The following SERTAD3 variants were observed in gnomAD, a reference collection of about 807,000 sequenced individuals.
SERTAD3 encodes SERTA domain containing 3.
In SERTAD3, 6 loss-of-function variants were observed where a neutral mutation model predicts 11.9. That is an observed-to-expected ratio of 0.50 (90% CI 0.28 to 0.99). The LOEUF (loss-of-function observed/expected upper bound fraction) is 0.99. Ranked by LOEUF, SERTAD3 falls within the 50% of genes least tolerant of loss-of-function variation. The pLI is 0.11. For missense variants in SERTAD3, 261 were observed against 240.9 expected (o/e 1.08, Z -0.55); for synonymous variants, 101 against 98.9 (o/e 1.02, Z -0.13).
Position 40,441,873 on chromosome 19 carries a change from G to T in SERTAD3, c.208C>A (p.Arg70Ser). The T allele has an allele frequency of 6.3e-7, 1 of 1,578,082 alleles. No individual in the cohort carries two copies. Among genetic ancestry groups the T allele is most frequent in the Non-Finnish European group, 8.6e-7 (1 of 1,162,588 alleles). Residue 70 changes from arginine (R) to serine (S), a missense_variant, in exon 2 of 2, where the codon CGC becomes AGC. By Grantham distance (110) the Arg-to-Ser change is moderately radical. Transcript: ENST00000322354. ...NTLQQLQAAL[R>S]LAPAPALPPE... ...GGCAGGGCAGGGGCGGGAGCCAGGC[G>T]AAGTGCAGCCTGCAGCTGTTGGAGG... is the stretch of plus-strand genomic sequence containing the variant.
In SERTAD3 at chr19:40,442,023, C is replaced by G; in HGVS notation, c.58G>C (p.Glu20Gln). The stretch of plus-strand genomic sequence containing the variant: ...CTCTGAAGGCCTGCTGGACTCCACT[C>G]CCACCTCTCCTCCTCCTCTTCCAAA... ...SDLEEEEERW[E>Q]WSPAGLQSYQ... Residue 20 changes from glutamate to glutamine, a missense_variant, in exon 2 of 2, where the codon GAG becomes CAG. By Grantham distance (29) the Glu-to-Gln change is conservative. Transcript: ENST00000322354. The G allele has an allele frequency of 6.6e-7, 1 of 1,512,048 alleles. No individual in the cohort carries two copies. The highest frequency in any genetic ancestry group is 1.4e-5 in the South Asian group (1 of 73,968). 93.7% of individuals were successfully genotyped at this position (1,512,048 alleles called of 1,614,324 possible).
chr19:40,442,002 G>A lies in SERTAD3; in HGVS notation c.79C>T (p.Gln27Ter). 6.5e-7 allele frequency: 1 copy of A among 1,533,948 alleles called. No homozygotes were observed. ...ERWEWSPAGL[Q>*]SYQQALLRIS... ...CGGAGCAGGGCTTGCTGGTAGCTCT[G>A]AAGGCCTGCTGGACTCCACTCCCAC... The change falls in exon 2 of 2, where the codon CAG becomes TAG. Residue 27 changes from glutamine (Q) to a stop codon, truncating the protein, a stop_gained. Coordinates refer to ENST00000322354, the MANE Select transcript of SERTAD3 (RefSeq NM_203344.3). LOFTEE classifies it high-confidence loss of function.
chr19:40,443,334 C>G (rs28480551), intron 1 of SERTAD3: 9,582 of 152,310 alleles, frequency 0.063, 356 homozygotes, highest in East Asian at 0.1. Context: ...GAGCCACCCC[C>G]CTCACCCCGC....
intron 1 of SERTAD3, chr19:40,442,423 C>G (rs1001880290): frequency 9.6e-5 from 20 of 208,390 alleles, no homozygotes; most frequent in African/African-American, 3.9e-4. Context: ...AGCCTTAAAA[C>G]TGTTCTTCCA....
chr19:40,441,267 T>C lies in SERTAD3; in HGVS notation c.*223A>G. The C allele has an allele frequency of 2.1e-6, 1 of 471,178 alleles. No homozygotes were observed. Among genetic ancestry groups the C allele is most frequent in the Non-Finnish European group, 3.8e-6 (1 of 264,658 alleles). 29.2% of individuals were successfully genotyped at this position (471,178 alleles called of 1,614,324 possible). A position where few individuals can be genotyped will look rare whatever the true frequency, so the allele number is the denominator to read the frequency against. Reference sequence around the variant, plus strand: ...CCAGAAACAGAGTCTCGTTAAGGCATTTGGAATAGATAAATTAATTCAGGA... The same window carrying C: ...CCAGAAACAGAGTCTCGTTAAGGCACTTGGAATAGATAAATTAATTCAGGA... On this transcript the variant is annotated 3_prime_UTR_variant, in exon 2 of 2. Coordinates refer to ENST00000322354, the MANE Select transcript of SERTAD3 (RefSeq NM_203344.3).
At chr19:40,442,791 G>A (rs1249814563) in intron 1 of SERTAD3, among the ~76,000 whole-genome samples, 3 of 151,728 alleles carry the variant, frequency 2.0e-5, no homozygotes, top group Non-Finnish European at 4.4e-5. Context: ...CTGCAGTCTC[G>A]AAGTCCTGGG....
Position 40,441,194 on chromosome 19 carries a change from G to A in SERTAD3, c.*296C>T. 2 of 263,470 alleles carry A rather than the reference G, an allele frequency of 7.6e-6. No individual in the cohort carries two copies. The highest frequency in any genetic ancestry group is 1.5e-5 in the Non-Finnish European group (2 of 136,502). The allele number at this position is 263,470 out of a possible 1,614,324, so 16.3% of individuals were successfully genotyped here. A position where few individuals can be genotyped will look rare whatever the true frequency, so the allele number is the denominator to read the frequency against. ...GGCCCCAGTGGTCACAGGGGAGTGG[G>A]AACTAGCAGGAAAGGTGGAAGAAAT... On this transcript the variant is annotated 3_prime_UTR_variant, in exon 2 of 2. Coordinates refer to ENST00000322354, the MANE Select transcript of SERTAD3 (RefSeq NM_203344.3).
intron 1 of SERTAD3, 136 bp from the exon 2 acceptor site, chr19:40,442,222 T>TCTCA: frequency 2.1e-6 from 1 of 467,568 alleles, no homozygotes; most frequent in Non-Finnish European, 3.6e-6. Context: ...ATGTATAAAA[T>TCTCA]GAAGGCTGTC....
intron 1 of SERTAD3, chr19:40,442,296 G>C: frequency 2.6e-6 from 1 of 391,602 alleles, no homozygotes. Flanking sequence ...CTGGCGTTAC[G>C]TACAGCTAGA....
rs1423830725 is a variant in SERTAD3 at position 40,441,916 on chromosome 19, A to C, written c.165T>G (p.His55Gln). The C allele has an allele frequency of 1.9e-6, 3 of 1,575,392 alleles. No homozygotes were observed. The African/African-American group carries it at 4.1e-5, about 21-fold the overall frequency. ...GTTGGAGGGTGTTATGGATGAGGAC[A>C]TGCCTGCGGAGGCTGGGTGCTCGGG... ...LGPRAPSLRR[H>Q]VLIHNTLQQL... Residue 55 changes from histidine to glutamine, a missense_variant, in exon 2 of 2, where the codon CAT becomes CAG. His to Gln is a conservative substitution (Grantham distance 24). Transcript: ENST00000322354.
chr19:40,443,192 T>C (rs914436987), intron 1 of SERTAD3, among the ~76,000 whole-genome samples: 1 of 151,770 alleles, frequency 6.6e-6, no homozygotes, highest in African/African-American at 2.4e-5. Context: ...CCATGGGTCC[T>C]TACAGAGCAT....
In SERTAD3 at chr19:40,442,015, A is replaced by T. The variant is rs780692623; in HGVS notation, c.66T>A (p.Ser22Arg). 22 of 1,516,044 alleles carry T rather than the reference A, an allele frequency of 1.5e-5. No individual in the cohort carries two copies. Among genetic ancestry groups the T allele is most frequent in the Non-Finnish European group, 1.7e-5 (19 of 1,134,972 alleles). 93.9% of individuals were successfully genotyped at this position (1,516,044 alleles called of 1,614,324 possible). ...GCTGGTAGCTCTGAAGGCCTGCTGG[A>T]CTCCACTCCCACCTCTCCTCCTCCT... ...LEEEEERWEW[S>R]PAGLQSYQQA... is the part of the protein sequence containing the mutation. Residue 22 changes from serine (S) to arginine (R), a missense_variant, in exon 2 of 2, where the codon AGT becomes AGA. Physicochemically the swap from Ser to Arg is moderately radical, Grantham distance 110. Transcript: ENST00000322354.
At chr19:40,442,990 GTCCTCT>G (rs755433457) in intron 1 of SERTAD3, among the ~76,000 whole-genome samples, 14 of 151,960 alleles carry the variant, frequency 9.2e-5, no homozygotes, top group Non-Finnish European at 1.5e-4. Context: ...ATATTTCTAT[GTCCTCT>G]TCCTTAACCG....
Position 40,441,399 on chromosome 19 carries a change from G to T in SERTAD3, c.*91C>A. ...AAGGAGGCCATAGTCACTGCTTCGAGCCCCCACAAAAACACACACCCAGAG... is the reference window on the plus strand; with the variant it reads ...AAGGAGGCCATAGTCACTGCTTCGATCCCCCACAAAAACACACACCCAGAG... On this transcript the variant is annotated 3_prime_UTR_variant, in exon 2 of 2. Transcript: ENST00000322354. 8.7e-7 allele frequency: 1 copy of T among 1,144,346 alleles called. No individual in the cohort carries two copies. Among genetic ancestry groups the T allele is most frequent in the Non-Finnish European group, 1.3e-6 (1 of 794,360 alleles). The allele number at this position is 1,144,346 out of a possible 1,614,324, so 70.9% of individuals were successfully genotyped here.
At chr19:40,442,358 C>T (rs1221291656) in intron 1 of SERTAD3, 3 of 324,180 alleles carry the variant, frequency 9.3e-6, no homozygotes. Context: ...AATTTACATC[C>T]ATGAGAATCA....
intron 1 of SERTAD3, chr19:40,443,530 T>A (rs570111450): frequency 1.3e-5 from 2 of 153,264 alleles, no homozygotes; most frequent in African/African-American, 4.8e-5. Context: ...CCGGTCCCTC[T>A]GTTCCTTGAA....
In SERTAD3 at chr19:40,442,081, G is replaced by T; in HGVS notation, c.-1C>A. The T allele has an allele frequency of 1.3e-6, 2 of 1,486,166 alleles. No individual in the cohort carries two copies. Among genetic ancestry groups the T allele is most frequent in the Non-Finnish European group, 1.8e-6 (2 of 1,118,656 alleles). 92.1% of individuals were successfully genotyped at this position (1,486,166 alleles called of 1,614,324 possible). ...GTTTCCTCTTCAAGCCTCCCACCAT[G>T]ATGCCCTGTAGAGAGAAGAGGCGCA... On this transcript the variant is annotated 5_prime_UTR_variant, in exon 2 of 2. Coordinates refer to ENST00000322354, the MANE Select transcript of SERTAD3 (RefSeq NM_203344.3).
chr19:40,443,056 C>T (rs1345381605), intron 1 of SERTAD3, among the ~76,000 whole-genome samples: 1 of 151,848 alleles, frequency 6.6e-6, no homozygotes, highest in East Asian at 1.9e-4. Flanking sequence ...ATTCCCTCTG[C>T]CCACGCTTTC....
At position 40,441,789 on chromosome 19, in the gene SERTAD3, T is replaced by C. The variant is rs202103988; in HGVS notation, c.292A>G (p.Ile98Val). Residue 98 changes from isoleucine (I) to valine (V), a missense_variant, in exon 2 of 2, where the codon ATC (isoleucine) becomes GTC (valine). Physicochemically the swap from Ile to Val is conservative, Grantham distance 29. Coordinates refer to ENST00000322354, the MANE Select transcript of SERTAD3 (RefSeq NM_203344.3). ...ATGGAGGTGTCCAGCTCCCTGAGGA[T>C]AGAGCCAATGGTGGCTGACAGGGAG... ...DFSLSATIGS[I>V]LRELDTSMDG... The C allele has an allele frequency of 7.8e-5, 125 of 1,607,810 alleles. No individual in the cohort carries two copies. In the East Asian group the frequency reaches 1.6e-3, roughly 21 times the overall value.
Sources: allele counts gnomAD v4.1 joint callset (sites outside exome capture counted in the v4.1 genomes callset), GRCh38; gene constraint gnomAD v4.1.1; transcripts MANE v1.5; gene names NCBI Gene and HGNC (gene_info 2026-07-23, HGNC 2026-07-21).